Variants in DNAH9 observed in about 807,000 individuals in gnomAD.
DNAH9 encodes dynein axonemal heavy chain 9.
DNAH9 carries 345 observed loss-of-function variants against 471.6 expected under a neutral mutation model. That is an observed-to-expected ratio of 0.73 (90% CI 0.67 to 0.80). The LOEUF (loss-of-function observed/expected upper bound fraction) is 0.80, where lower values mean the gene tolerates loss of function less well. Among genes scored for constraint, DNAH9 ranks in the 30% least tolerant of loss-of-function variants. DNAH9 has a pLI of 0.00. For missense variants in DNAH9, 5,407 were observed against 5,609.2 expected (o/e 0.96, Z 1.15); for synonymous variants, 2,093 against 2,123.6 (o/e 0.99, Z 0.40).
intron 52 of DNAH9, 129 bp downstream of exon 52, chr17:11,871,915 T>A: frequency 1.0e-6 from 1 of 995,966 alleles, no homozygotes; most frequent in Non-Finnish European, 1.5e-6. Context: ...GAGCACCAGG[T>A]GTGAAACCTG....
intron 3 of DNAH9, among the ~76,000 whole-genome samples, chr17:11,611,051 C>T (rs138697537): frequency 3.3e-5 from 5 of 151,896 alleles, no homozygotes; most frequent in South Asian, 2.1e-4. Flanking sequence ...CATTATTGCT[C>T]CTGCTCCTGC....
chr17:11,771,311 T>C (rs918230360), intron 38 of DNAH9, among the ~76,000 whole-genome samples: 1 of 152,130 alleles, frequency 6.6e-6, no homozygotes, highest in African/African-American at 2.4e-5. Context: ...GGATTTTTAG[T>C]GGAGACAGGG....
At chr17:11,636,489 A>G (rs575494651) in intron 8 of DNAH9, 145 bp from the exon 9 acceptor site, 1 of 620,136 alleles carries the variant, frequency 1.6e-6, no homozygotes, top group South Asian at 2.2e-5. Context: ...CATATGAATA[A>G]TTACAGGTCC....
In DNAH9 at chr17:11,689,929, C is replaced by G. The variant is rs888187584; in HGVS notation, c.4107C>G (p.Ser1369=). 1.9e-6 allele frequency: 3 copies of G among 1,610,994 alleles called. No homozygotes were observed. The highest frequency in any genetic ancestry group is 2.5e-6 in the Non-Finnish European group (3 of 1,178,510). The change falls in exon 20 of 69, where the codon TCC becomes TCG. Residue 1369 remains serine (S), a synonymous_variant. Coordinates refer to ENST00000262442, the MANE Select transcript of DNAH9 (RefSeq NM_001372.4). ...LESTVWNTLS[S]LRAVAELQNP... ...GCACTGTGTGGAACACGCTGAGCTC[C>G]CTGAGGGCAGTAGCTGAGCTGCAGA...
chr17:11,941,708 A>C (rs1974915568), intron 66 of DNAH9, among the ~76,000 whole-genome samples: 1 of 101,998 alleles, frequency 9.8e-6, no homozygotes, highest in Non-Finnish European at 2.2e-5. Flanking sequence ...AGATAGATAG[A>C]TAGATAGATA....
At chr17:11,605,330 C>A (rs953672316) in intron 1 of DNAH9, among the ~76,000 whole-genome samples, 1 of 152,178 alleles carries the variant, frequency 6.6e-6, no homozygotes, top group Non-Finnish European at 1.5e-5. Context: ...TCTTGACTGT[C>A]TCTCCCTTAG....
At chr17:11,796,523 A>C (rs1230129649) in intron 42 of DNAH9, among the ~76,000 whole-genome samples, 1 of 152,166 alleles carries the variant, frequency 6.6e-6, no homozygotes, top group Non-Finnish European at 1.5e-5. Flanking sequence ...CACTTTCCCT[A>C]TATTAGGTTT....
chr17:11,843,063 A>T lies in DNAH9; in HGVS notation c.9507+8165A>T, dbSNP rs28533319. ...CGCTAGCAGATGAAAACCAATCCCA[A>T]TCCAGGAGCAAAACATTCCATCTAA... On this transcript the variant is annotated intron_variant, in intron 49 of 68. Transcript: ENST00000262442. Among the ~76,000 whole-genome samples, 1,211 of 152,292 alleles carry T rather than the reference A, an allele frequency of 8.0e-3. 17 individuals carry two copies. The highest frequency in any genetic ancestry group is 0.028 in the African/African-American group (1,159 of 41,564).
chr17:11,729,113 T>A (rs1255190199), intron 28 of DNAH9, among the ~76,000 whole-genome samples: 1 of 152,176 alleles, frequency 6.6e-6, no homozygotes, highest in Non-Finnish European at 1.5e-5. Flanking sequence ...CCCCTCTATT[T>A]GCCAGCAATA....
chr17:11,736,416 C>A (rs998952440), intron 28 of DNAH9, among the ~76,000 whole-genome samples: 1 of 152,184 alleles, frequency 6.6e-6, no homozygotes, highest in African/African-American at 2.4e-5. Flanking sequence ...TGTGTGTGTA[C>A]TTCCGTCTGG....
At chr17:11,841,353 G>T (rs1382556974) in intron 49 of DNAH9, among the ~76,000 whole-genome samples, 1 of 152,168 alleles carries the variant, frequency 6.6e-6, no homozygotes, top group African/African-American at 2.4e-5. Flanking sequence ...TGTTTAAAAG[G>T]AAAGGAGCAG....
intron 50 of DNAH9, among the ~76,000 whole-genome samples, chr17:11,856,104 C>T (rs1971616166): frequency 6.6e-6 from 1 of 152,124 alleles, no homozygotes. Context: ...TGCTACTGCC[C>T]CATTTGACAG....
In DNAH9 at chr17:11,690,504, C is replaced by A. The variant is rs7220893; in HGVS notation, c.4614+68C>A. ...AGGGTGAAGGGAAGGTCACCCAGTT[C>A]CTGCATTGTCTAGGCTCTTTCCTTT... On this transcript the variant is annotated intron_variant, in intron 20 of 68. Coordinates refer to ENST00000262442, the MANE Select transcript of DNAH9 (RefSeq NM_001372.4). 238,834 of 1,428,442 alleles carry A rather than the reference C, an allele frequency of 0.17. 21,675 individuals carry two copies. The highest frequency in any genetic ancestry group is 0.24 in the African/African-American group (16,634 of 70,584). The allele number at this position is 1,428,442 out of a possible 1,614,324, so 88.5% of individuals were successfully genotyped here. A position where few individuals can be genotyped will look rare whatever the true frequency, so the allele number is the denominator to read the frequency against.
chr17:11,851,200 T>A (rs1971411816), intron 49 of DNAH9, among the ~76,000 whole-genome samples: 1 of 151,998 alleles, frequency 6.6e-6, no homozygotes, highest in Non-Finnish European at 1.5e-5. Flanking sequence ...AACCTCCACC[T>A]CCCAAGTTCA....
chr17:11,968,760 G>C (rs911613216), intron 68 of DNAH9, among the ~76,000 whole-genome samples: 1 of 152,100 alleles, frequency 6.6e-6, no homozygotes, highest in Admixed American at 6.6e-5. Flanking sequence ...ATCATAGGGA[G>C]GCCTCATCTG....
In DNAH9 at chr17:11,640,318, G is replaced by T. The variant is rs372744886; in HGVS notation, c.1835G>T (p.Arg612Leu). 1.2e-6 allele frequency: 2 copies of T among 1,613,986 alleles called. No homozygotes were observed. Among genetic ancestry groups the T allele is most frequent in the East Asian group, 2.2e-5 (1 of 44,860 alleles). The change falls in exon 10 of 69, where the codon CGC (arginine) becomes CTC (leucine). Residue 612 changes from arginine to leucine, a missense_variant. Around this residue, in one of 3 missense-constraint regions of DNAH9, gnomAD observed 4,636 missense variants for 4,900.3 expected, o/e 0.95. Transcript: ENST00000262442. ...ATGCCCACCGTGGCTGGCGGCCTCC[G>T]CTGGGCACAGGAGCTGAGGCAGCGC... Reference protein sequence around the residue: ...KNMPTVAGGLRWAQELRQRIQ... With the variant: ...KNMPTVAGGLLWAQELRQRIQ...
chr17:11,643,820 A>C (rs973034502), intron 10 of DNAH9, among the ~76,000 whole-genome samples: 1 of 152,204 alleles, frequency 6.6e-6, no homozygotes, highest in Non-Finnish European at 1.5e-5. Flanking sequence ...CAGGCTACAA[A>C]CCTGTGCAGC....
chr17:11,797,711 A>G lies in DNAH9; in HGVS notation c.8338A>G (p.Thr2780Ala). ...PVQSWELLTQ[T>A]LVEALENHNE... ...ACAGTCTTGGGAACTTTTGACCCAG[A>G]CTCTGGTGGAGGCCTTGGAGAACCA... Residue 2780 changes from threonine (T) to alanine (A), a missense_variant, in exon 43 of 69, where the codon ACT (threonine) becomes GCT (alanine). By Grantham distance (58) the Thr-to-Ala change is moderately conservative. This residue lies in a region of DNAH9 where 4,636 missense variants were observed against 4,900.3 expected (regional missense o/e 0.95). Transcript: ENST00000262442. The G allele has an allele frequency of 1.2e-6, 2 of 1,614,094 alleles. No individual in the cohort carries two copies. Among genetic ancestry groups the G allele is most frequent in the Non-Finnish European group, 1.7e-6 (2 of 1,180,012 alleles).
rs538959731 is a variant in DNAH9 at position 11,919,368 on chromosome 17, G to A, written c.11750-4446G>A. Among the ~76,000 whole-genome samples the A allele has an allele frequency of 8.6e-5, 13 of 151,948 alleles. 1 individual carries two copies. Among genetic ancestry groups the A allele is most frequent in the African/African-American group, 3.1e-4 (13 of 41,438 alleles). On this transcript the variant is annotated intron_variant, in intron 61 of 68. Coordinates refer to ENST00000262442, the MANE Select transcript of DNAH9 (RefSeq NM_001372.4). ...AAATTAGCCAGGCGTGGTGGCGGGC[G>A]CCTGTAGTCCCAGCTACTCGGGAGG...
Sources: allele counts gnomAD v4.1 joint callset (sites outside exome capture counted in the v4.1 genomes callset), GRCh38; gene constraint gnomAD v4.1.1; regional missense constraint gnomAD v4.1.1; transcripts MANE v1.5; gene names NCBI Gene and HGNC (gene_info 2026-07-23, HGNC 2026-07-21).